ANK2: variants seen among roughly 807,000 people sequenced by gnomAD.
The protein encoded by ANK2 is ankyrin-2.
Under a neutral mutation model 360.5 loss-of-function variants are expected in ANK2, and 83 were observed. The ratio of observed to expected loss-of-function variants is 0.23; its 90% CI spans 0.19 to 0.28. The LOEUF (loss-of-function observed/expected upper bound fraction) is 0.28. Among genes scored for constraint, ANK2 ranks in the 10% least tolerant of loss-of-function variants. The probability of loss-of-function intolerance (pLI) is 1.00; values close to 1 mark genes in which losing one functional copy is unlikely to be tolerated. For missense variants in ANK2, 4,201 were observed against 4,795.7 expected (o/e 0.88, Z 3.66); for synonymous variants, 1,740 against 1,759.5 (o/e 0.99, Z 0.28).
intron 9 of ANK2, 97 bp from the exon 10 acceptor site, chr4:113,249,667 G>C: frequency 9.1e-7 from 1 of 1,097,488 alleles, no homozygotes; most frequent in South Asian, 1.3e-5. Flanking sequence ...TGAGTAATCA[G>C]GATTGAGTTT....
chr4:112,930,218 G>A (rs2093041122), intron 2 of ANK2, among the ~76,000 whole-genome samples: 1 of 152,026 alleles, frequency 6.6e-6, no homozygotes, highest in Non-Finnish European at 1.5e-5. Flanking sequence ...GCTGAGGCGG[G>A]CAGATTGTTT....
chr4:112,851,929 C>T (rs1038693624), intron 1 of ANK2, among the ~76,000 whole-genome samples: 4 of 152,168 alleles, frequency 2.6e-5, no homozygotes, highest in Non-Finnish European at 5.9e-5. Context: ...GCCACAATTA[C>T]TTTTCTTTAA....
intron 1 of ANK2, among the ~76,000 whole-genome samples, chr4:113,169,270 A>G (rs576283275): frequency 1.6e-4 from 24 of 152,338 alleles, no homozygotes; most frequent in Admixed American, 1.1e-3. Flanking sequence ...CCAAGATCGG[A>G]CAAGTCACAA....
intron 2 of ANK2, among the ~76,000 whole-genome samples, chr4:112,945,350 A>G (rs1561217981): frequency 1.3e-5 from 2 of 152,240 alleles, no homozygotes; most frequent in African/African-American, 2.4e-5. Context: ...TGCACCTCTC[A>G]AAACCAAAAA....
chr4:113,302,814 G>T lies in ANK2; in HGVS notation c.2523G>T (p.Glu841Asp). The stretch of plus-strand genomic sequence containing the variant: ...TAAATGTACCTGAGACGATGACTGA[G>T]GTTCTTGATGTTTCTGATGAAGAGG... ...HKLNVPETMTEVLDVSDEEGD... is the reference protein window; with the variant it reads ...HKLNVPETMTDVLDVSDEEGD... The change falls in exon 23 of 46, where the codon GAG becomes GAT. Residue 841 changes from glutamate to aspartate, a missense_variant. This residue lies in a region of ANK2 where 1,268 missense variants were observed against 1,650.8 expected (regional missense o/e 0.77). Transcript: ENST00000357077. 1 of 1,613,836 alleles carries T rather than the reference G, an allele frequency of 6.2e-7. No homozygotes were observed. The highest frequency in any genetic ancestry group is 2.2e-5 in the East Asian group (1 of 44,868).
chr4:112,885,301 C>T (rs992536944), intron 1 of ANK2, among the ~76,000 whole-genome samples: 1 of 150,376 alleles, frequency 6.6e-6, no homozygotes, highest in Non-Finnish European at 1.5e-5. Flanking sequence ...GAGTTCGAGA[C>T]CAGCCTGGCC....
At chr4:113,100,904 A>G (rs1386448386) in intron 1 of ANK2, among the ~76,000 whole-genome samples, 2 of 152,170 alleles carry the variant, frequency 1.3e-5, no homozygotes, top group Non-Finnish European at 2.9e-5. Context: ...TTCAAACTAT[A>G]TAACATTTTA....
chr4:113,360,283 C>T (rs1489364927), intron 38 of ANK2, among the ~76,000 whole-genome samples: 2 of 152,278 alleles, frequency 1.3e-5, no homozygotes, highest in East Asian at 1.9e-4. Flanking sequence ...CTTTTATCCT[C>T]GTTTCTCCAA....
intron 45 of ANK2, 29 bp downstream of exon 45, chr4:113,373,478 T>C (rs2154075420): frequency 6.2e-7 from 1 of 1,611,522 alleles, no homozygotes; most frequent in Non-Finnish European, 8.5e-7. Flanking sequence ...CTAAAACCCA[T>C]TTGATGGAGA....
chr4:113,049,900 CG>C lies in ANK2; in HGVS notation c.84+89del, dbSNP rs2066168432. ...GTAATATCAGCAAGGCTATGGAAAC[CG>C]TGGAGCATTATGAGTAACTGTAGAC... On this transcript the variant is annotated intron_variant, in intron 1 of 45. Coordinates refer to ENST00000357077, the MANE Select transcript of ANK2 (RefSeq NM_001148.6). 4 of 1,485,206 alleles carry C rather than the reference CG, an allele frequency of 2.7e-6. No individual in the cohort carries two copies. The East Asian group carries it at 9.5e-5, about 35-fold the overall frequency. 92.0% of individuals were successfully genotyped at this position (1,485,206 alleles called of 1,614,324 possible).
intron 2 of ANK2, among the ~76,000 whole-genome samples, chr4:112,981,875 A>G (rs1357141318): frequency 6.6e-6 from 1 of 152,106 alleles, no homozygotes; most frequent in African/African-American, 2.4e-5. Context: ...AGATTTTGTG[A>G]CCCTAATGAT....
chr4:112,731,484 G>A, the ANK2 span, among the ~76,000 whole-genome samples: 1 of 152,080 alleles, frequency 6.6e-6, no homozygotes, highest in African/African-American at 2.4e-5. Flanking sequence ...AGCACTTTGG[G>A]AGGCTGAGGT....
chr4:112,935,608 G>A (rs993762413), intron 2 of ANK2, among the ~76,000 whole-genome samples: 5 of 151,838 alleles, frequency 3.3e-5, no homozygotes, highest in African/African-American at 9.7e-5. Flanking sequence ...TTGGGAGGCC[G>A]AGGCAGGTGG....
At position 113,097,551 on chromosome 4, in the gene ANK2, T is replaced by C. The variant is rs115254396; in HGVS notation, c.84+47739T>C. ...GGGAAAATAAATTAGGATGGACTAG[T>C]GTTAGAGAAAAAGCTACTGCTTTTG... On this transcript the variant is annotated intron_variant, in intron 1 of 45. Transcript: ENST00000357077. Among the ~76,000 whole-genome samples, 1,251 of 152,114 alleles carry C rather than the reference T, an allele frequency of 8.2e-3. 15 individuals are homozygous for C. The highest frequency in any genetic ancestry group is 0.028 in the African/African-American group (1,163 of 41,506).
chr4:113,089,741 T>C (rs539440517), intron 1 of ANK2, among the ~76,000 whole-genome samples: 1 of 152,208 alleles, frequency 6.6e-6, no homozygotes, highest in African/African-American at 2.4e-5. Flanking sequence ...GGAGAATCGC[T>C]TGAACCCGGG....
At chr4:113,192,607 C>G (rs2098686413) in intron 2 of ANK2, among the ~76,000 whole-genome samples, 2 of 152,118 alleles carry the variant, frequency 1.3e-5, no homozygotes, top group Admixed American at 6.6e-5. Flanking sequence ...ATTTTTTGCT[C>G]TTCCTCTTAT....
At chr4:113,313,977 G>A (rs1316707765) in intron 24 of ANK2, among the ~76,000 whole-genome samples, 1 of 152,168 alleles carries the variant, frequency 6.6e-6, no homozygotes, top group African/African-American at 2.4e-5. Flanking sequence ...AATCACTGCT[G>A]CACCTGTGGT....
At chr4:112,816,776 C>T (rs1022294925), upstream of ANK2, among the ~76,000 whole-genome samples, 13 of 152,222 alleles carry the variant, frequency 8.5e-5, no homozygotes, top group East Asian at 1.9e-4. Context: ...TTTGGGAAGC[C>T]GAGGCAGGTG....
At chr4:113,242,276 C>T (rs1298048153) in intron 9 of ANK2, 67 bp downstream of exon 9, 3 of 1,349,298 alleles carry the variant, frequency 2.2e-6, no homozygotes, top group African/African-American at 2.9e-5. Flanking sequence ...GAAGGCACCT[C>T]AAGACACCAG....
Sources: allele counts gnomAD v4.1 joint callset (sites outside exome capture counted in the v4.1 genomes callset), GRCh38; gene constraint gnomAD v4.1.1; regional missense constraint gnomAD v4.1.1; transcripts MANE v1.5; gene names NCBI Gene and HGNC (gene_info 2026-07-23, HGNC 2026-07-21).